The following GIMD1 variants were observed in gnomAD, a reference collection of about 807,000 sequenced individuals.
GIMD1 encodes GIMAP family P-loop NTPase domain containing 1.
Under a neutral mutation model 14.9 loss-of-function variants are expected in GIMD1, and 14 were observed. That is an observed-to-expected ratio of 0.94 (90% confidence interval 0.62 to 1.47). GIMD1 has a LOEUF of 1.47. Among genes scored for constraint, GIMD1 ranks in the 40% most tolerant of loss-of-function variants. The pLI is 0.00. For synonymous variants in GIMD1, 91 were observed against 90.5 expected (o/e 1.01, Z -0.03); for missense variants, 272 against 255.3 (o/e 1.07, Z -0.44).
intron 2 of GIMD1, 94 bp downstream of exon 2, chr4:106,366,949 T>C (rs942296902): frequency 2.9e-6 from 1 of 349,284 alleles, no homozygotes; most frequent in Non-Finnish European, 4.6e-6. Context: ...AATAGTATAA[T>C]AATAATAATA....
In GIMD1 at chr4:106,367,253, T is replaced by G. The variant is rs1361309759; in HGVS notation, c.183A>C (p.Arg61=). 6.5e-7 allele frequency: 1 copy of G among 1,535,782 alleles called. No homozygotes were observed. Among genetic ancestry groups the G allele is most frequent in the East Asian group, 2.4e-5 (1 of 40,908 alleles). ...RSCHLHSFMR[R]GGLEVALQVQ... ...CCTGCAGGGCTACCTCTAGCCCACC[T>G]CGACGCATGAAGCTGTGGAGGTGAC... The change falls in exon 2 of 3, where the codon CGA becomes CGC. Residue 61 remains arginine (R), a synonymous_variant. Coordinates refer to ENST00000638719, the MANE Select transcript of GIMD1 (RefSeq NM_001195138.2).
rs1770560735 is a variant in GIMD1, at chr4:106,358,237, T to C, written c.600A>G (p.Glu200=). ...TCTCTTTTATAAATTCCATGATTCTTTCTAAGATTTTCATTCTTTGTTCAT... is the reference window on the plus strand; with the variant it reads ...TCTCTTTTATAAATTCCATGATTCTCTCTAAGATTTTCATTCTTTGTTCAT... The part of the protein sequence containing the change: ...SLNEQRMKIL[E]RIMEFIKENC... Residue 200 remains glutamate, a synonymous_variant, in exon 3 of 3, where the codon GAA becomes GAG. Coordinates refer to ENST00000638719, the MANE Select transcript of GIMD1 (RefSeq NM_001195138.2). 6.6e-7 allele frequency: 1 copy of C among 1,514,432 alleles called. No individual in the cohort carries two copies. The highest frequency in any genetic ancestry group is 8.8e-7 in the Non-Finnish European group (1 of 1,133,834). The allele number at this position is 1,514,432 out of a possible 1,614,324, so 93.8% of individuals were successfully genotyped here. A position where few individuals can be genotyped will look rare whatever the true frequency, so the allele number is the denominator to read the frequency against.
In GIMD1 at chr4:106,367,186, T is replaced by C. The variant is rs755674645; in HGVS notation, c.250A>G (p.Ser84Gly). The C allele has an allele frequency of 4.4e-5, 68 of 1,535,800 alleles. 5 individuals are homozygous for C. In the South Asian group the frequency reaches 7.4e-4, roughly 17 times the overall value. ...ACTTCCTGTTTCACATACTTCTTGC[T>C]CAGCCTGCTGTGTGGATAACCTGGA... ...DTPGYPHSRL[S>G]KKYVKQEVKE... Residue 84 changes from serine (S) to glycine (G), a missense_variant, in exon 2 of 3, where the codon AGC (serine) becomes GGC (glycine). Physicochemically the swap from Ser to Gly is moderately conservative, Grantham distance 56. Transcript: ENST00000638719.
intron 2 of GIMD1, among the ~76,000 whole-genome samples, chr4:106,359,841 AC>A (rs1292547767): frequency 1.3e-5 from 2 of 151,894 alleles, no homozygotes; most frequent in African/African-American, 4.8e-5. Flanking sequence ...GAACTACGGG[AC>A]AAAACATTTA....
intron 2 of GIMD1, among the ~76,000 whole-genome samples, chr4:106,364,894 A>G (rs531081175): frequency 6.6e-6 from 1 of 152,330 alleles, no homozygotes; most frequent in Middle Eastern, 3.4e-3. Context: ...TTATTGTCCC[A>G]TATGCTAAAA....
Position 106,358,070 on chromosome 4 carries a change from C to G in GIMD1, c.*113G>C. ...CAAAGTGGTTATACCAATGTACACT[C>G]TCACCAGCAGCATATCAGAATACTT... On this transcript the variant is annotated 3_prime_UTR_variant, in exon 3 of 3. Transcript: ENST00000638719. 1.3e-5 allele frequency: 9 copies of G among 697,596 alleles called. No individual in the cohort carries two copies. The South Asian group carries it at 1.9e-4, about 15-fold the overall frequency. 43.2% of individuals were successfully genotyped at this position (697,596 alleles called of 1,614,324 possible). A position where few individuals can be genotyped will look rare whatever the true frequency, so the allele number is the denominator to read the frequency against.
chr4:106,358,708 C>T (rs142322467), intron 2 of GIMD1, among the ~76,000 whole-genome samples: 9 of 151,920 alleles, frequency 5.9e-5, no homozygotes, highest in African/African-American at 2.2e-4. Flanking sequence ...TATACACAAC[C>T]TCAAAACTGC....
At chr4:106,366,070 A>G (rs1208239564) in intron 2 of GIMD1, among the ~76,000 whole-genome samples, 3 of 152,116 alleles carry the variant, frequency 2.0e-5, no homozygotes, top group Admixed American at 6.6e-5. Context: ...TTAGTGACCT[A>G]TAATGAATGA....
chr4:106,363,495 AAAC>A (rs1770645379), intron 2 of GIMD1, among the ~76,000 whole-genome samples: 1 of 152,146 alleles, frequency 6.6e-6, no homozygotes, highest in African/African-American at 2.4e-5. Flanking sequence ...ATAACAATAA[AAAC>A]AACAATACTA....
At chr4:106,363,807 G>A (rs1232253625) in intron 2 of GIMD1, among the ~76,000 whole-genome samples, 1 of 145,334 alleles carries the variant, frequency 6.9e-6, no homozygotes, top group Non-Finnish European at 1.5e-5. Context: ...AACATCAACA[G>A]CTCGGTTGTT....
chr4:106,363,476 G>A (rs1470174717), intron 2 of GIMD1, among the ~76,000 whole-genome samples: 1 of 152,048 alleles, frequency 6.6e-6, no homozygotes, highest in African/African-American at 2.4e-5. Flanking sequence ...CACAATCTCA[G>A]TAGTGATCAT....
At position 106,358,074 on chromosome 4, in the gene GIMD1, C is replaced by T; in HGVS notation, c.*109G>A. ...GTGGTTATACCAATGTACACTCTCACCAGCAGCATATCAGAATACTTATGG... is the reference window on the plus strand; with the variant it reads ...GTGGTTATACCAATGTACACTCTCATCAGCAGCATATCAGAATACTTATGG... On this transcript the variant is annotated 3_prime_UTR_variant, in exon 3 of 3. Transcript: ENST00000638719. 1 of 720,364 alleles carries T rather than the reference C, an allele frequency of 1.4e-6. No individual in the cohort carries two copies. Among genetic ancestry groups the T allele is most frequent in the Admixed American group, 3.3e-5 (1 of 30,698 alleles). 44.6% of individuals were successfully genotyped at this position (720,364 alleles called of 1,614,324 possible).
At chr4:106,365,696 ACTAG>A (rs1770687288) in intron 2 of GIMD1, among the ~76,000 whole-genome samples, 1 of 152,110 alleles carries the variant, frequency 6.6e-6, no homozygotes, top group African/African-American at 2.4e-5. Flanking sequence ...CTTGAGTAAT[ACTAG>A]TGAAGTCCAG....
At chr4:106,361,607 T>C (rs1036534453) in intron 2 of GIMD1, among the ~76,000 whole-genome samples, 3 of 152,110 alleles carry the variant, frequency 2.0e-5, no homozygotes, top group Admixed American at 6.6e-5. Context: ...ATTCACCAAG[T>C]ACGCTATGAA....
chr4:106,358,568 A>T, intron 2 of GIMD1, 125 bp from the exon 3 acceptor site: 2 of 695,116 alleles, frequency 2.9e-6, no homozygotes, highest in East Asian at 5.8e-5. Flanking sequence ...GAAAGCTGAT[A>T]TACAATGTAG....
intron 2 of GIMD1, among the ~76,000 whole-genome samples, chr4:106,366,560 G>C (rs1341365296): frequency 6.6e-6 from 1 of 152,102 alleles, no homozygotes; most frequent in African/African-American, 2.4e-5. Context: ...ACGGTTCTAC[G>C]ACCTGACTGT....
chr4:106,363,555 C>T (rs1346504262), intron 2 of GIMD1, among the ~76,000 whole-genome samples: 1 of 152,052 alleles, frequency 6.6e-6, no homozygotes, highest in East Asian at 1.9e-4. Flanking sequence ...AGGCACAATG[C>T]TGAGCATGAT....
In GIMD1 at chr4:106,358,450, G is replaced by C; in HGVS notation, c.394-7C>G. On this transcript the variant is annotated splice_polypyrimidine_tract_variant and splice_region_variant and intron_variant, in intron 2 of 2. Transcript: ENST00000638719. The stretch of plus-strand genomic sequence containing the variant: ...AAGCATGTCCAAGAAGTTCCTGAAA[G>C]AGAGAAGTTAGATAACTATTGAACT... The C allele has an allele frequency of 1.2e-5, 18 of 1,501,920 alleles. No individual in the cohort carries two copies. Among genetic ancestry groups the C allele is most frequent in the Non-Finnish European group, 1.6e-5 (18 of 1,135,720 alleles). 93.0% of individuals were successfully genotyped at this position (1,501,920 alleles called of 1,614,324 possible).
rs537630103 is a variant in GIMD1, at chr4:106,367,556, C to T, written c.-2-119G>A. ...ATTTTAGATTTGTTTTCCCTTCATTCGTAGTGACTAAAGCATGGAGGAGGA... is the reference window on the plus strand; with the variant it reads ...ATTTTAGATTTGTTTTCCCTTCATTTGTAGTGACTAAAGCATGGAGGAGGA... On this transcript the variant is annotated intron_variant, in intron 1 of 2. Transcript: ENST00000638719. 130 of 937,932 alleles carry T rather than the reference C, an allele frequency of 1.4e-4. 1 individual carries two copies. The African/African-American group carries it at 1.7e-3, about 12-fold the overall frequency. 58.1% of individuals were successfully genotyped at this position (937,932 alleles called of 1,614,324 possible). A position where few individuals can be genotyped will look rare whatever the true frequency, so the allele number is the denominator to read the frequency against.
Sources: gnomAD v4.1 joint callset for allele counts (sites outside exome capture counted in the v4.1 genomes callset) on GRCh38, gnomAD v4.1.1 for gene constraint, MANE v1.5 for transcripts, NCBI Gene and HGNC (gene_info 2026-07-23, HGNC 2026-07-21) for gene names.